The following PRKG1 variants were observed in gnomAD, a reference collection of about 807,000 sequenced individuals.
PRKG1 encodes the protein cGMP-dependent protein kinase 1.
A neutral mutation model predicts 88.1 loss-of-function variants in PRKG1; 35 were observed. That is an observed-to-expected ratio of 0.40 (90% CI 0.30 to 0.53). The LOEUF (loss-of-function observed/expected upper bound fraction) is 0.53. Among genes scored for constraint, PRKG1 ranks in the 20% least tolerant of loss-of-function variants. PRKG1 has a pLI of 0.59. For missense variants in PRKG1, 540 were observed against 839.8 expected, an observed-to-expected ratio of 0.64 and a Z score of 4.41; for synonymous variants, 303 against 292.5, an observed-to-expected ratio of 1.04 and a Z score of -0.37.
At chr10:51,763,821 C>T (rs1286710142) in intron 3 of PRKG1, among the ~76,000 whole-genome samples, 1 of 145,736 alleles carries the variant, frequency 6.9e-6, no homozygotes, top group African/African-American at 2.8e-5. Flanking sequence ...TGAGGGCCTT[C>T]TTAGTGGTGG....
At chr10:52,195,588 A>G (rs1291998358) in intron 9 of PRKG1, among the ~76,000 whole-genome samples, 1 of 152,154 alleles carries the variant, frequency 6.6e-6, no homozygotes, top group Admixed American at 6.5e-5. Flanking sequence ...GCGTGTTTTT[A>G]AAAACCTGCC....
At chr10:51,453,878 G>A (rs1028415247) in intron 2 of PRKG1, among the ~76,000 whole-genome samples, 5 of 152,030 alleles carry the variant, frequency 3.3e-5, no homozygotes, top group Admixed American at 6.6e-5. Flanking sequence ...CCCTGGATAT[G>A]ATAAATGAAT....
chr10:51,862,670 C>A (rs562295912), intron 4 of PRKG1, among the ~76,000 whole-genome samples: 20 of 152,134 alleles, frequency 1.3e-4, no homozygotes, highest in Non-Finnish European at 2.6e-4. Flanking sequence ...TGGTCATACT[C>A]TACTCAGAAC....
At chr10:51,146,147 C>T (rs1448140506) in intron 1 of PRKG1, among the ~76,000 whole-genome samples, 3 of 151,854 alleles carry the variant, frequency 2.0e-5, no homozygotes, top group Non-Finnish European at 4.4e-5. Flanking sequence ...CCAGATCACA[C>T]CACTGCACTC....
Position 52,049,914 on chromosome 10 carries a change from G to T in PRKG1, c.763-4570G>T, listed in dbSNP as rs1045309298. On this transcript the variant is annotated intron_variant, in intron 5 of 17. Coordinates refer to ENST00000373980, the MANE Select transcript of PRKG1 (RefSeq NM_006258.4). ...CTTGCTTTCAGAGGAGTTAAAATCT[G>T]GTGAAAAATAATCATGCAAGTCAAT... Among the ~76,000 whole-genome samples, 6 of 152,174 alleles carry T rather than the reference G, an allele frequency of 3.9e-5. No homozygotes were observed. The East Asian group carries it at 1.2e-3, about 29-fold the overall frequency.
intron 2 of PRKG1, among the ~76,000 whole-genome samples, chr10:51,231,709 CAT>C (rs1491386045): frequency 2.7e-5 from 4 of 150,016 alleles, no homozygotes; most frequent in African/African-American, 9.9e-5. Flanking sequence ...ACATCTGAAA[CAT>C]TTTTTTTTTT....
At chr10:51,363,666 G>C (rs1176716035) in intron 2 of PRKG1, among the ~76,000 whole-genome samples, 2 of 151,784 alleles carry the variant, frequency 1.3e-5, no homozygotes, top group African/African-American at 4.8e-5. Flanking sequence ...CCTACTGCTA[G>C]ACAGCTTAAG....
chr10:51,138,403 T>C lies in PRKG1; in HGVS notation c.312-14761T>C, dbSNP rs143670979. On this transcript the variant is annotated intron_variant, in intron 1 of 17. Coordinates refer to ENST00000373980, the MANE Select transcript of PRKG1 (RefSeq NM_006258.4). ...TTATATGATGCCAAATGAGTCAACA[T>C]ATGATTAATATTGAGTCTCTTTCAC... is the stretch of plus-strand genomic sequence containing the variant. 3.6e-3 allele frequency among the ~76,000 whole-genome samples: 550 copies of C among 152,296 alleles called. 4 individuals are homozygous for C. Among genetic ancestry groups the C allele is most frequent in the African/African-American group, 0.013 (525 of 41,570 alleles).
intron 5 of PRKG1, among the ~76,000 whole-genome samples, chr10:52,049,617 G>A (rs1845940325): frequency 6.6e-6 from 1 of 152,056 alleles, no homozygotes; most frequent in African/African-American, 2.4e-5. Flanking sequence ...ACAAGTGACA[G>A]GGAGACCAGA....
intron 4 of PRKG1, among the ~76,000 whole-genome samples, chr10:51,860,949 T>C (rs1203629493): frequency 6.6e-6 from 1 of 152,170 alleles, no homozygotes; most frequent in African/African-American, 2.4e-5. Flanking sequence ...AAAGAAAATA[T>C]GAAAAGTGAA....
intron 3 of PRKG1, among the ~76,000 whole-genome samples, chr10:51,778,035 G>A (rs1355017017): frequency 6.6e-6 from 1 of 152,096 alleles, no homozygotes; most frequent in Admixed American, 6.6e-5. Flanking sequence ...GATTGCTTCT[G>A]ATGACTGTTC....
chr10:51,008,134 C>A (rs1842959213), intron 1 of PRKG1, among the ~76,000 whole-genome samples: 1 of 152,140 alleles, frequency 6.6e-6, no homozygotes, highest in Non-Finnish European at 1.5e-5. Context: ...TTCATATGCC[C>A]AGTTCTTCTC....
intron 2 of PRKG1, among the ~76,000 whole-genome samples, chr10:51,200,179 T>C (rs547962765): frequency 5.3e-5 from 8 of 152,260 alleles, no homozygotes; most frequent in African/African-American, 1.7e-4. Flanking sequence ...CTTGCCAGAA[T>C]CACAGAGGTT....
intron 9 of PRKG1, among the ~76,000 whole-genome samples, chr10:52,163,805 T>C (rs1838350539): frequency 6.6e-6 from 1 of 152,138 alleles, no homozygotes; most frequent in Non-Finnish European, 1.5e-5. Flanking sequence ...AACAATGAAA[T>C]TCAGATATTC....
chr10:51,588,512 C>A (rs1054494113), intron 3 of PRKG1, among the ~76,000 whole-genome samples: 2 of 152,164 alleles, frequency 1.3e-5, no homozygotes, highest in African/African-American at 4.8e-5. Context: ...CTCAGTTTCA[C>A]TCAGGACGTT....
chr10:52,196,362 C>G (rs1187065045), intron 9 of PRKG1, among the ~76,000 whole-genome samples: 1 of 152,076 alleles, frequency 6.6e-6, no homozygotes, highest in Non-Finnish European at 1.5e-5. Context: ...TTGTTAACAC[C>G]TTAATTACCT....
At position 51,553,883 on chromosome 10, in the gene PRKG1, G is replaced by A. The variant is rs1039000364; in HGVS notation, c.592+86047G>A. Among the ~76,000 whole-genome samples, 78 of 121,230 alleles carry A rather than the reference G, an allele frequency of 6.4e-4. 10 individuals carry two copies. In the South Asian group the frequency reaches 0.011, roughly 17 times the overall value. 79.5% of individuals were successfully genotyped at this position (121,230 alleles called of 152,430 possible). A position where few individuals can be genotyped will look rare whatever the true frequency, so the allele number is the denominator to read the frequency against. ...TATAATATATGTATGTATTAGATAC[G>A]TGTATATAATATATGTATGTATTAG... On this transcript the variant is annotated intron_variant, in intron 3 of 17. Coordinates refer to ENST00000373980, the MANE Select transcript of PRKG1 (RefSeq NM_006258.4).
At chr10:51,201,816 C>T (rs557274467) in intron 2 of PRKG1, among the ~76,000 whole-genome samples, 2 of 152,338 alleles carry the variant, frequency 1.3e-5, no homozygotes, top group East Asian at 3.9e-4. Context: ...TGATATCAGA[C>T]TTCCAGCCTC....
At chr10:52,033,877 T>G (rs1303731012) in intron 5 of PRKG1, among the ~76,000 whole-genome samples, 1 of 150,066 alleles carries the variant, frequency 6.7e-6, no homozygotes, top group Non-Finnish European at 1.5e-5. Flanking sequence ...GAGATAGGGG[T>G]GGGGCCGTTT....
Sources: gnomAD v4.1 joint callset for allele counts (sites outside exome capture counted in the v4.1 genomes callset) on GRCh38, gnomAD v4.1.1 for gene constraint, MANE v1.5 for transcripts, NCBI Gene and HGNC (gene_info 2026-07-23, HGNC 2026-07-21) for gene names.